The following OXCT1 variants were observed in gnomAD, a reference collection of about 807,000 sequenced individuals.
OXCT1 encodes succinyl-CoA:3-ketoacid coenzyme A transferase 1, mitochondrial.
OXCT1 carries 27 observed loss-of-function variants against 69.6 expected under a neutral mutation model. The ratio of observed to expected loss-of-function variants is 0.39; its 90% confidence interval spans 0.29 to 0.54. The LOEUF (loss-of-function observed/expected upper bound fraction) is 0.54. OXCT1 is among the 20% of genes least tolerant of loss of function. The pLI is 0.72. For missense variants in OXCT1, 437 were observed against 650.2 expected (o/e 0.67, Z 3.57); for synonymous variants, 202 against 217.8 (o/e 0.93, Z 0.64).
intron 7 of OXCT1, among the ~76,000 whole-genome samples, chr5:41,813,689 C>T (rs1186743053): frequency 2.0e-5 from 3 of 151,632 alleles, no homozygotes; most frequent in Non-Finnish European, 4.4e-5. Flanking sequence ...CAAGTATTTA[C>T]TAAAAGAGGT....
chr5:41,733,880 G>A (rs1210103527), intron 16 of OXCT1, among the ~76,000 whole-genome samples: 2 of 152,148 alleles, frequency 1.3e-5, no homozygotes, highest in Non-Finnish European at 2.9e-5. Flanking sequence ...TGATCTGCAG[G>A]CTAAGCACAA....
At chr5:41,819,391 G>A (rs1207708887) in intron 7 of OXCT1, among the ~76,000 whole-genome samples, 1 of 151,654 alleles carries the variant, frequency 6.6e-6, no homozygotes, top group African/African-American at 2.4e-5. Context: ...GGGGGCAGGG[G>A]GATGGAGTTT....
intron 14 of OXCT1, among the ~76,000 whole-genome samples, chr5:41,756,221 T>G (rs1744063123): frequency 6.6e-6 from 1 of 152,102 alleles, no homozygotes; most frequent in Non-Finnish European, 1.5e-5. Context: ...AAACCAAGCT[T>G]TGTTTGTTGC....
At chr5:41,802,642 T>A (rs749426926) in intron 10 of OXCT1, among the ~76,000 whole-genome samples, 2 of 152,032 alleles carry the variant, frequency 1.3e-5, no homozygotes, top group African/African-American at 4.8e-5. Context: ...AACATAGAAC[T>A]ATTGACAACC....
chr5:41,784,405 A>G lies in OXCT1; in HGVS notation c.1248+9598T>C, dbSNP rs189209662. The stretch of plus-strand genomic sequence containing the variant: ...GGTCCACCTACAAAAAAATCCCACC[A>G]TGAATAAGAGTCATATGTACTCAAC... On this transcript the variant is annotated intron_variant, in intron 13 of 16. Coordinates refer to ENST00000196371, the MANE Select transcript of OXCT1 (RefSeq NM_000436.4). Among the ~76,000 whole-genome samples the G allele has an allele frequency of 1.4e-3, 219 of 152,342 alleles. 1 individual carries two copies. The highest frequency in any genetic ancestry group is 5.1e-3 in the African/African-American group (212 of 41,580).
In OXCT1 at chr5:41,827,846, C is replaced by T. The variant is rs141166579; in HGVS notation, c.732+12605G>A. Among the ~76,000 whole-genome samples the T allele has an allele frequency of 2.0e-5, 3 of 152,268 alleles. No homozygotes were observed. The East Asian group carries it at 5.8e-4, about 29-fold the overall frequency. On this transcript the variant is annotated intron_variant, in intron 7 of 16. Transcript: ENST00000196371. ...ACTGGTGGGGGAAAAAAAGAGTAAT[C>T]AGCCTCACCATCCTCAAAGTCTCTC...
chr5:41,837,778 A>C (rs1748441289), intron 7 of OXCT1, among the ~76,000 whole-genome samples: 1 of 152,164 alleles, frequency 6.6e-6, no homozygotes, highest in Non-Finnish European at 1.5e-5. Context: ...AAAAGAGTAG[A>C]CAGCCTGGAA....
chr5:41,866,028 C>CA (rs1257092743), intron 1 of OXCT1, among the ~76,000 whole-genome samples: 3 of 146,452 alleles, frequency 2.0e-5, no homozygotes, highest in Non-Finnish European at 4.6e-5. Flanking sequence ...GTAGACCCCC[C>CA]CCCCCACCGC....
intron 7 of OXCT1, among the ~76,000 whole-genome samples, chr5:41,825,704 T>C (rs1404479916): frequency 6.6e-6 from 1 of 152,084 alleles, no homozygotes; most frequent in African/African-American, 2.4e-5. Flanking sequence ...CATATGGCTC[T>C]TGCCTCCTCT....
chr5:41,866,430 C>CT (rs1379672174), intron 1 of OXCT1, among the ~76,000 whole-genome samples: 2 of 152,142 alleles, frequency 1.3e-5, no homozygotes, highest in Non-Finnish European at 2.9e-5. Context: ...CAAGGAACAG[C>CT]TGATATTGTC....
chr5:41,737,325 C>G (rs1742934480), intron 16 of OXCT1, among the ~76,000 whole-genome samples: 1 of 152,094 alleles, frequency 6.6e-6, no homozygotes, highest in Non-Finnish European at 1.5e-5. Context: ...GGAACAGCAC[C>G]TTTTATTGGA....
At chr5:41,766,732 G>A (rs966000) in intron 13 of OXCT1, among the ~76,000 whole-genome samples, 107 of 152,190 alleles carry the variant, frequency 7.0e-4, no homozygotes, top group East Asian at 7.0e-3. Flanking sequence ...CATTCTTGCC[G>A]TTACCTTTAT....
intron 11 of OXCT1, among the ~76,000 whole-genome samples, chr5:41,797,866 G>A (rs1746253200): frequency 1.3e-5 from 2 of 152,132 alleles, no homozygotes; most frequent in Admixed American, 1.3e-4. Flanking sequence ...TGGGTCTGGG[G>A]ACCACACTTA....
chr5:41,770,287 AG>A (rs146590530), intron 13 of OXCT1, among the ~76,000 whole-genome samples: 1,792 of 152,336 alleles, frequency 0.012, 14 homozygotes, highest in Non-Finnish European at 0.019. Context: ...AGAAAAAAAG[AG>A]GTGGCTAAAA....
At chr5:41,833,264 A>C (rs1024867147) in intron 7 of OXCT1, among the ~76,000 whole-genome samples, 2 of 152,230 alleles carry the variant, frequency 1.3e-5, no homozygotes, top group African/African-American at 4.8e-5. Flanking sequence ...AAGCAGTAAG[A>C]GAAAAGAAAC....
chr5:41,735,404 TAGAAAC>T (rs1289741475), intron 16 of OXCT1, among the ~76,000 whole-genome samples: 1 of 152,176 alleles, frequency 6.6e-6, no homozygotes, highest in Non-Finnish European at 1.5e-5. Context: ...GTCAAAATGA[TAGAAAC>T]AGAAAGCAAA....
chr5:41,849,915 A>C, intron 5 of OXCT1, 115 bp downstream of exon 5: 1 of 1,058,394 alleles, frequency 9.4e-7, no homozygotes, highest in Non-Finnish European at 1.5e-6. Flanking sequence ...TATGAAAATG[A>C]ATGAGTGCTT....
chr5:41,742,649 C>G (rs571493880), intron 15 of OXCT1, among the ~76,000 whole-genome samples: 2 of 149,770 alleles, frequency 1.3e-5, no homozygotes, highest in African/African-American at 4.9e-5. Context: ...CACCCCACAA[C>G]AGGCCCCAGT....
At chr5:41,791,780 C>A (rs560736319) in intron 13 of OXCT1, among the ~76,000 whole-genome samples, 2 of 152,084 alleles carry the variant, frequency 1.3e-5, no homozygotes, top group East Asian at 3.9e-4. Context: ...CAGGTATCCG[C>A]AACTTCTTTT....
Sources: allele counts gnomAD v4.1 joint callset (sites outside exome capture counted in the v4.1 genomes callset), GRCh38; gene constraint gnomAD v4.1.1; transcripts MANE v1.5; gene names NCBI Gene and HGNC (gene_info 2026-07-23, HGNC 2026-07-21).